EGF: variants seen among roughly 807,000 people sequenced by gnomAD.
EGF encodes the protein pro-epidermal growth factor.
EGF carries 95 observed loss-of-function variants against 143.8 expected under a neutral mutation model. The observed-to-expected ratio is 0.66, with a 90% CI of 0.56 to 0.78. EGF has a LOEUF of 0.78. EGF is among the 30% of genes least tolerant of loss of function. The pLI is 0.00. For missense variants in EGF, 1,320 were observed against 1,470.9 expected (o/e 0.90, Z 1.68); for synonymous variants, 510 against 510.5 (o/e 1.00, Z 0.01).
chr4:109,932,888 T>C (rs933686225), intron 1 of EGF, among the ~76,000 whole-genome samples: 5 of 152,162 alleles, frequency 3.3e-5, no homozygotes, highest in African/African-American at 1.2e-4. Context: ...AAGGTGTCTC[T>C]TCCTAGTGTC....
At chr4:110,008,254 G>T (rs769244252) in intron 23 of EGF, 24 bp downstream of exon 23, 1 of 1,613,572 alleles carries the variant, frequency 6.2e-7, no homozygotes, top group Admixed American at 1.7e-5. Context: ...CCTGGCTCCT[G>T]GTGAATGGTT....
At position 110,013,720 on chromosome 4, in the gene EGF, C is replaced by T. The variant is rs1754169361; in HGVS notation, c.*2265C>T. On this transcript the variant is annotated 3_prime_UTR_variant, in exon 24 of 24. Coordinates refer to ENST00000265171, the MANE Select transcript of EGF (RefSeq NM_001963.6). ...TATCACCTACTATGTAAAAAATGAG[C>T]ATATTGGCCTCTTTTCTAGCATCTA... Among the ~76,000 whole-genome samples the T allele has an allele frequency of 6.6e-6, 1 of 152,066 alleles. No individual in the cohort carries two copies. The highest frequency in any genetic ancestry group is 2.4e-5 in the African/African-American group (1 of 41,508).
At chr4:109,936,979 G>A (rs1740939068) in intron 1 of EGF, among the ~76,000 whole-genome samples, 1 of 152,160 alleles carries the variant, frequency 6.6e-6, no homozygotes, top group East Asian at 1.9e-4. Flanking sequence ...TTTAGAATAA[G>A]TGTGATGTGA....
At chr4:109,939,305 T>C (rs1741485920) in intron 1 of EGF, among the ~76,000 whole-genome samples, 1 of 152,180 alleles carries the variant, frequency 6.6e-6, no homozygotes, top group South Asian at 2.1e-4. Context: ...ACTGCTGCGC[T>C]AGCAGTGAGC....
chr4:109,964,609 G>C (rs1746247786), intron 10 of EGF, 72 bp downstream of exon 10: 1 of 1,598,948 alleles, frequency 6.3e-7, no homozygotes. Context: ...CCTAACAAAT[G>C]ACCTGGCCTA....
intron 20 of EGF, among the ~76,000 whole-genome samples, chr4:109,999,457 C>T (rs1320890931): frequency 1.3e-5 from 2 of 152,104 alleles, no homozygotes; most frequent in Non-Finnish European, 2.9e-5. Context: ...TGCAAATAAT[C>T]CCCCATAAAT....
At chr4:109,980,694 A>G in intron 14 of EGF, 132 bp from the exon 15 acceptor site, 1 of 978,600 alleles carries the variant, frequency 1.0e-6, no homozygotes, top group East Asian at 2.5e-5. Context: ...CTATTGATAT[A>G]CCCTCTATTT....
chr4:109,954,488 A>T (rs1394424623), intron 5 of EGF, among the ~76,000 whole-genome samples: 1 of 152,166 alleles, frequency 6.6e-6, no homozygotes, highest in African/African-American at 2.4e-5. Flanking sequence ...GTAATTAGGA[A>T]TTCCAATAGC....
intron 16 of EGF, 92 bp from the exon 17 acceptor site, chr4:109,987,652 A>G (rs1461912766): frequency 2.0e-6 from 2 of 1,021,660 alleles, no homozygotes; most frequent in Non-Finnish European, 3.1e-6. Context: ...TGGGAAAGGA[A>G]GTGGTGGACT....
chr4:109,971,419 T>C (rs1747637777), intron 11 of EGF, among the ~76,000 whole-genome samples: 1 of 152,168 alleles, frequency 6.6e-6, no homozygotes, highest in African/African-American at 2.4e-5. Context: ...GGGTAAACGA[T>C]GATCAAAATG....
chr4:109,946,417 C>T (rs965837857), intron 5 of EGF, among the ~76,000 whole-genome samples: 1 of 152,194 alleles, frequency 6.6e-6, no homozygotes, highest in Non-Finnish European at 1.5e-5. Flanking sequence ...ACATGCTAAT[C>T]TCCTTCATTC....
intron 1 of EGF, among the ~76,000 whole-genome samples, chr4:109,924,875 G>A (rs1738375289): frequency 6.6e-6 from 1 of 152,124 alleles, no homozygotes; most frequent in East Asian, 1.9e-4. Context: ...CCTGAAAAAT[G>A]GATTTACAAT....
chr4:109,980,005 A>G lies in EGF; in HGVS notation c.2087A>G (p.Tyr696Cys), dbSNP rs745902713. ...HPFAVAVFED[Y>C]VWFSDWAMPS... Reference sequence around the variant, plus strand: ...TTTGCTGTAGCAGTGTTTGAGGATTATGTGTGGTTCTCAGATTGGGCTATG... The same window carrying G: ...TTTGCTGTAGCAGTGTTTGAGGATTGTGTGTGGTTCTCAGATTGGGCTATG... Residue 696 changes from tyrosine to cysteine, a missense_variant, in exon 14 of 24, where the codon TAT (tyrosine) becomes TGT (cysteine). This residue lies in a region of EGF where 1,186 missense variants were observed against 1,313.7 expected (regional missense o/e 0.90). Transcript: ENST00000265171. 2.5e-6 allele frequency: 4 copies of G among 1,614,062 alleles called. No individual in the cohort carries two copies. The highest frequency in any genetic ancestry group is 2.2e-5 in the South Asian group (2 of 91,080).
At chr4:110,000,663 A>G (rs970484549) in intron 21 of EGF, among the ~76,000 whole-genome samples, 5 of 152,220 alleles carry the variant, frequency 3.3e-5, no homozygotes, top group African/African-American at 1.2e-4. Context: ...TAAAACTAAC[A>G]CTACATTAGG....
At chr4:109,952,797 C>T (rs1744163581) in intron 5 of EGF, among the ~76,000 whole-genome samples, 1 of 152,184 alleles carries the variant, frequency 6.6e-6, no homozygotes, top group Non-Finnish European at 1.5e-5. Flanking sequence ...TGGGTTTGCC[C>T]TGACACCAAA....
At chr4:109,950,100 A>C (rs927143187) in intron 5 of EGF, among the ~76,000 whole-genome samples, 1 of 152,158 alleles carries the variant, frequency 6.6e-6, no homozygotes, top group African/African-American at 2.4e-5. Flanking sequence ...CATAAAATGC[A>C]TGTGTTTGGG....
chr4:109,945,412 C>G (rs1197458079), intron 5 of EGF, 137 bp downstream of exon 5: 2 of 757,000 alleles, frequency 2.6e-6, no homozygotes, highest in East Asian at 2.7e-5. Context: ...CATAATAGAC[C>G]CCTGTAAGAA....
chr4:110,006,224 A>T (rs914281338), intron 22 of EGF, among the ~76,000 whole-genome samples: 1 of 152,108 alleles, frequency 6.6e-6, no homozygotes, highest in African/African-American at 2.4e-5. Context: ...ACACACTTGC[A>T]GTTTCAGGTA....
At chr4:109,948,190 A>T (rs1215884110) in intron 5 of EGF, among the ~76,000 whole-genome samples, 1 of 152,248 alleles carries the variant, frequency 6.6e-6, no homozygotes, top group Admixed American at 6.5e-5. Context: ...GCCACAGACA[A>T]ATCTGGAACC....
Sources: gnomAD v4.1 joint callset for allele counts (sites outside exome capture counted in the v4.1 genomes callset) on GRCh38, gnomAD v4.1.1 for gene constraint, gnomAD v4.1.1 regional missense constraint, MANE v1.5 for transcripts, NCBI Gene and HGNC (gene_info 2026-07-23, HGNC 2026-07-21) for gene names.